HS6ST3: variants seen among roughly 807,000 people sequenced by gnomAD.
The protein encoded by HS6ST3 is heparan-sulfate 6-O-sulfotransferase 3.
HS6ST3 carries 12 observed loss-of-function variants against 36.7 expected under a neutral mutation model. The ratio of observed to expected loss-of-function variants is 0.33; its 90% CI spans 0.21 to 0.53. The LOEUF (loss-of-function observed/expected upper bound fraction) is 0.53. Ranked by LOEUF, HS6ST3 falls within the 20% of genes least tolerant of loss-of-function variation. The probability of loss-of-function intolerance (pLI) is 0.95; values close to 1 mark genes in which losing one functional copy is unlikely to be tolerated. For missense variants in HS6ST3, 584 were observed against 640.9 expected (o/e 0.91, Z 0.96); for synonymous variants, 240 against 257.5 (o/e 0.93, Z 0.65).
At chr13:96,717,783 C>T (rs1438155272) in intron 1 of HS6ST3, among the ~76,000 whole-genome samples, 1 of 152,144 alleles carries the variant, frequency 6.6e-6, no homozygotes, top group African/African-American at 2.4e-5. Flanking sequence ...GTGTGTTCCC[C>T]AGAGCTTACC....
intron 1 of HS6ST3, among the ~76,000 whole-genome samples, chr13:96,346,224 A>G (rs1248700343): frequency 1.3e-5 from 2 of 152,172 alleles, no homozygotes; most frequent in East Asian, 1.9e-4. Flanking sequence ...TTACTTATCT[A>G]TGTTAAGTTA....
At chr13:96,309,070 C>T (rs1301555399) in intron 1 of HS6ST3, among the ~76,000 whole-genome samples, 4 of 152,104 alleles carry the variant, frequency 2.6e-5, no homozygotes, top group East Asian at 1.9e-4. Context: ...CAAATACACA[C>T]TTGGCATAGT....
chr13:96,516,081 A>G lies in HS6ST3; in HGVS notation c.708-316409A>G, dbSNP rs556418744. Reference sequence around the variant, plus strand: ...GCATTAACTTTTTTTTTTTTTTTTGAGACACAGTCTTGGTTTGTCAGCCAG... The same window carrying G: ...GCATTAACTTTTTTTTTTTTTTTTGGGACACAGTCTTGGTTTGTCAGCCAG... On this transcript the variant is annotated intron_variant, in intron 1 of 1. Transcript: ENST00000376705. 1.3e-4 allele frequency among the ~76,000 whole-genome samples: 19 copies of G among 142,210 alleles called. 1 individual carries two copies. The highest frequency in any genetic ancestry group is 2.7e-4 in the Non-Finnish European group (18 of 65,492). The allele number at this position is 142,210 out of a possible 152,430, so 93.3% of individuals were successfully genotyped here. A position where few individuals can be genotyped will look rare whatever the true frequency, so the allele number is the denominator to read the frequency against.
rs141997506 is a variant in HS6ST3 at position 96,326,675 on chromosome 13, A to G, written c.707+235106A>G. Among the ~76,000 whole-genome samples the G allele has an allele frequency of 2.8e-4, 43 of 152,164 alleles. No individual in the cohort carries two copies. The East Asian group carries it at 6.8e-3, about 24-fold the overall frequency. On this transcript the variant is annotated intron_variant, in intron 1 of 1. Coordinates refer to ENST00000376705, the MANE Select transcript of HS6ST3 (RefSeq NM_153456.4). ...GTCTTTTATAGCACCTTGTTCTGTA[A>G]TCCTTTGGGTATTTACCCAGTAATG...
intron 1 of HS6ST3, among the ~76,000 whole-genome samples, chr13:96,326,754 A>G (rs1372721553): frequency 6.6e-6 from 1 of 152,020 alleles, no homozygotes; most frequent in Admixed American, 6.6e-5. Flanking sequence ...GAATCACCAC[A>G]CTGTCTTCCA....
chr13:96,373,761 T>C (rs759779072), intron 1 of HS6ST3, among the ~76,000 whole-genome samples: 4 of 152,182 alleles, frequency 2.6e-5, no homozygotes, highest in Non-Finnish European at 4.4e-5. Flanking sequence ...ATCAATTTGA[T>C]TGAAATAAGT....
chr13:96,621,650 T>C (rs927626713), intron 1 of HS6ST3, among the ~76,000 whole-genome samples: 2 of 152,228 alleles, frequency 1.3e-5, no homozygotes, highest in African/African-American at 4.8e-5. Flanking sequence ...TTGATTTAGT[T>C]ACAGACTAAT....
In HS6ST3 at chr13:96,102,391, A is replaced by G. The variant is rs190432267; in HGVS notation, c.707+10822A>G. Among the ~76,000 whole-genome samples, 435 of 152,294 alleles carry G rather than the reference A, an allele frequency of 2.9e-3. 11 individuals carry two copies. Among genetic ancestry groups the G allele is most frequent in the Admixed American group, 0.02 (309 of 15,302 alleles). ...CAGCTATTTGGGAGGCTGAGGCAGG[A>G]TAATTGCTTGAACCCAGGAGGGGGA... On this transcript the variant is annotated intron_variant, in intron 1 of 1. Transcript: ENST00000376705.
At chr13:96,806,649 A>G (rs534990469) in intron 1 of HS6ST3, among the ~76,000 whole-genome samples, 1 of 152,344 alleles carries the variant, frequency 6.6e-6, no homozygotes, top group South Asian at 2.1e-4. Flanking sequence ...ACTAGTAAAA[A>G]TAATCAAATC....
At chr13:96,292,176 A>G (rs1254674342) in intron 1 of HS6ST3, among the ~76,000 whole-genome samples, 1 of 151,686 alleles carries the variant, frequency 6.6e-6, no homozygotes, top group Non-Finnish European at 1.5e-5. Flanking sequence ...TTAGCATAAA[A>G]TGTTAATATG....
In HS6ST3 at chr13:96,728,691, G is replaced by T. The variant is rs141137382; in HGVS notation, c.708-103799G>T. Among the ~76,000 whole-genome samples, 191 of 152,256 alleles carry T rather than the reference G, an allele frequency of 1.3e-3. 2 individuals carry two copies. The highest frequency in any genetic ancestry group is 4.4e-3 in the African/African-American group (184 of 41,546). ...TAGAAAGGCATTATCTTGGAACCCA[G>T]TCAATGTGGCACCTTCCCATAATCA... On this transcript the variant is annotated intron_variant, in intron 1 of 1. Coordinates refer to ENST00000376705, the MANE Select transcript of HS6ST3 (RefSeq NM_153456.4).
Position 96,375,445 on chromosome 13 carries a change from T to A in HS6ST3, c.707+283876T>A, listed in dbSNP as rs1007259625. 2.1e-4 allele frequency among the ~76,000 whole-genome samples: 32 copies of A among 152,326 alleles called. 1 individual carries two copies. The highest frequency in any genetic ancestry group is 3.4e-3 in the Middle Eastern group (1 of 294). On this transcript the variant is annotated intron_variant, in intron 1 of 1. Transcript: ENST00000376705. Reference sequence around the variant, plus strand: ...CTGTATTCCAATGCCTAGAAGGGTATATAGATAGATGCACAAAAAATACTC... The same window carrying A: ...CTGTATTCCAATGCCTAGAAGGGTAAATAGATAGATGCACAAAAAATACTC...
intron 1 of HS6ST3, among the ~76,000 whole-genome samples, chr13:96,480,349 G>A (rs1481141294): frequency 2.0e-5 from 3 of 152,088 alleles, no homozygotes; most frequent in African/African-American, 4.8e-5. Context: ...CCTGACCTCA[G>A]GTGATCTGCC....
intron 1 of HS6ST3, among the ~76,000 whole-genome samples, chr13:96,241,233 A>G (rs552051161): frequency 6.6e-6 from 1 of 151,760 alleles, no homozygotes; most frequent in South Asian, 2.1e-4. Context: ...TCACTATTTG[A>G]TTTTTGTCGT....
chr13:96,761,594 A>C (rs1876972555), intron 1 of HS6ST3, among the ~76,000 whole-genome samples: 1 of 152,080 alleles, frequency 6.6e-6, no homozygotes, highest in Non-Finnish European at 1.5e-5. Flanking sequence ...TTCCCAATCT[A>C]ATCTTCCTCC....
intron 1 of HS6ST3, among the ~76,000 whole-genome samples, chr13:96,604,144 A>G (rs2056430705): frequency 1.3e-5 from 2 of 152,208 alleles, no homozygotes; most frequent in Admixed American, 6.5e-5. Context: ...AGAAATCAAG[A>G]GAACTATAAA....
intron 1 of HS6ST3, among the ~76,000 whole-genome samples, chr13:96,787,265 T>G (rs1877674917): frequency 6.6e-6 from 1 of 152,186 alleles, no homozygotes; most frequent in Non-Finnish European, 1.5e-5. Context: ...CTGGGTCATG[T>G]CATTCCTACC....
chr13:96,552,683 G>A (rs2056223860), intron 1 of HS6ST3, among the ~76,000 whole-genome samples: 1 of 152,028 alleles, frequency 6.6e-6, no homozygotes, highest in Non-Finnish European at 1.5e-5. Context: ...GGTGGAGCTT[G>A]GCAGCAGTTT....
At chr13:96,660,869 C>T (rs1022771031) in intron 1 of HS6ST3, among the ~76,000 whole-genome samples, 1 of 152,048 alleles carries the variant, frequency 6.6e-6, no homozygotes, top group African/African-American at 2.4e-5. Flanking sequence ...TTCAGGGAGA[C>T]CCACCCACAA....
Sources: gnomAD v4.1 joint callset for allele counts (sites outside exome capture counted in the v4.1 genomes callset) on GRCh38, gnomAD v4.1.1 for gene constraint, MANE v1.5 for transcripts, NCBI Gene and HGNC (gene_info 2026-07-23, HGNC 2026-07-21) for gene names.